The following ASCC3 variants were observed in gnomAD, a reference collection of about 807,000 sequenced individuals.
ASCC3 encodes the protein activating signal cointegrator 1 complex subunit 3, also known as ASC-1 complex subunit P200.
Under a neutral mutation model 256.3 loss-of-function variants are expected in ASCC3, and 158 were observed. That is an observed-to-expected ratio of 0.62 (90% confidence interval 0.54 to 0.70). ASCC3 has a LOEUF of 0.70. Ranked by LOEUF, ASCC3 falls within the 30% of genes least tolerant of loss-of-function variation. ASCC3 has a pLI of 0.00. For synonymous variants in ASCC3, 948 were observed against 883.4 expected, an observed-to-expected ratio of 1.07 and a Z score of -1.30; for missense variants, 2,259 against 2,626.0, an observed-to-expected ratio of 0.86 and a Z score of 3.05.
intron 8 of ASCC3, among the ~76,000 whole-genome samples, chr6:100,771,218 G>T (rs1462126845): frequency 6.6e-6 from 1 of 151,962 alleles, no homozygotes; most frequent in Non-Finnish European, 1.5e-5. Context: ...TAGAACAAAT[G>T]GATATACACG....
At chr6:100,638,954 C>T (rs748733028) in intron 24 of ASCC3, 133 bp from the exon 25 acceptor site, 7 of 740,464 alleles carry the variant, frequency 9.5e-6, no homozygotes, top group Non-Finnish European at 1.6e-5. Context: ...CTCTTATATA[C>T]CCATTACAGA....
intron 37 of ASCC3, among the ~76,000 whole-genome samples, chr6:100,519,789 T>C (rs1320757996): frequency 6.6e-6 from 1 of 152,158 alleles, no homozygotes; most frequent in Non-Finnish European, 1.5e-5. Context: ...GTTTTCATGA[T>C]GAAGTTGAAA....
intron 10 of ASCC3, among the ~76,000 whole-genome samples, chr6:100,760,963 T>A (rs1218013826): frequency 6.6e-6 from 1 of 152,104 alleles, no homozygotes; most frequent in South Asian, 2.1e-4. Flanking sequence ...GACATAAACC[T>A]GCAGATTCAA....
At chr6:100,843,228 A>G (rs1197017867) in intron 4 of ASCC3, among the ~76,000 whole-genome samples, 1 of 152,164 alleles carries the variant, frequency 6.6e-6, no homozygotes, top group Non-Finnish European at 1.5e-5. Context: ...ATCATTTCCA[A>G]TGCAAATAAG....
chr6:100,597,484 AGT>A (rs1391342968), intron 34 of ASCC3, among the ~76,000 whole-genome samples: 5 of 152,164 alleles, frequency 3.3e-5, no homozygotes, highest in African/African-American at 1.2e-4. Flanking sequence ...TCCAACAGAA[AGT>A]AAGAGTTGCC....
chr6:100,866,162 G>A (rs942500888), intron 2 of ASCC3, among the ~76,000 whole-genome samples: 1 of 151,922 alleles, frequency 6.6e-6, no homozygotes, highest in South Asian at 2.1e-4. Context: ...TAGAGATGGG[G>A]TTTCACCATG....
intron 36 of ASCC3, among the ~76,000 whole-genome samples, chr6:100,548,851 A>G (rs1390261002): frequency 6.6e-6 from 1 of 151,962 alleles, no homozygotes; most frequent in Non-Finnish European, 1.5e-5. Flanking sequence ...CAGCGGACAC[A>G]TGAAACTCCG....
At chr6:100,530,773 A>C in intron 37 of ASCC3, 1 of 1,016,450 alleles carries the variant, frequency 9.8e-7, no homozygotes, top group East Asian at 2.4e-5. Flanking sequence ...AATTTTGCAA[A>C]GAATCCAAGA....
chr6:100,658,571 A>C (rs1776033992), intron 16 of ASCC3, among the ~76,000 whole-genome samples: 1 of 151,464 alleles, frequency 6.6e-6, no homozygotes, highest in African/African-American at 2.4e-5. Flanking sequence ...TCAACAGACT[A>C]TCAGAAAATG....
At chr6:100,511,450 G>A (rs1431337786) in intron 40 of ASCC3, among the ~76,000 whole-genome samples, 1 of 151,886 alleles carries the variant, frequency 6.6e-6, no homozygotes, top group Non-Finnish European at 1.5e-5. Flanking sequence ...CTCATATTAA[G>A]GTCAGGTGTG....
chr6:100,819,409 G>A (rs1770930593), intron 4 of ASCC3, among the ~76,000 whole-genome samples: 1 of 152,178 alleles, frequency 6.6e-6, no homozygotes, highest in Admixed American at 6.5e-5. Flanking sequence ...ATACATGACA[G>A]GAAGTTTATT....
intron 18 of ASCC3, among the ~76,000 whole-genome samples, chr6:100,651,891 A>C (rs1775688461): frequency 6.6e-6 from 1 of 151,576 alleles, no homozygotes. Context: ...ATGGATGGTG[A>C]ATAAAAGTTA....
intron 10 of ASCC3, among the ~76,000 whole-genome samples, chr6:100,733,885 A>G (rs904456879): frequency 5.3e-5 from 8 of 152,136 alleles, no homozygotes; most frequent in Non-Finnish European, 8.8e-5. Flanking sequence ...TAAAACATAC[A>G]TTGCTTACTA....
rs117376784 is a variant in ASCC3 at position 100,775,922 on chromosome 6, A to G, written c.1396-8577T>C. ...TGTTTGTAAGCTATTGGAACATGAAATAATTAACATCCATTATGCATAGAT... is the reference window on the plus strand; with the variant it reads ...TGTTTGTAAGCTATTGGAACATGAAGTAATTAACATCCATTATGCATAGAT... On this transcript the variant is annotated intron_variant, in intron 8 of 41. Transcript: ENST00000369162. 1.4e-3 allele frequency among the ~76,000 whole-genome samples: 212 copies of G among 152,168 alleles called. 7 individuals carry two copies. In the East Asian group the frequency reaches 0.033, roughly 24 times the overall value.
At chr6:100,617,297 C>A (rs376843692) in intron 30 of ASCC3, among the ~76,000 whole-genome samples, 11 of 152,090 alleles carry the variant, frequency 7.2e-5, no homozygotes, top group African/African-American at 2.7e-4. Flanking sequence ...CGTGAGCCAC[C>A]GTGCCTGGCC....
chr6:100,530,778 C>A (rs1554188273), intron 37 of ASCC3: 3 of 1,028,706 alleles, frequency 2.9e-6, no homozygotes, highest in African/African-American at 1.6e-5. Flanking sequence ...TGCAAAGAAT[C>A]CAAGACAAAA....
intron 36 of ASCC3, among the ~76,000 whole-genome samples, chr6:100,582,196 T>C (rs1237858455): frequency 6.6e-6 from 1 of 152,146 alleles, no homozygotes; most frequent in Non-Finnish European, 1.5e-5. Flanking sequence ...ATTATCATGA[T>C]ATTGATTCTT....
At chr6:100,666,269 G>A (rs1011441532) in intron 14 of ASCC3, among the ~76,000 whole-genome samples, 4 of 152,048 alleles carry the variant, frequency 2.6e-5, no homozygotes, top group Non-Finnish European at 4.4e-5. Flanking sequence ...ATTATAAACA[G>A]AACATTTATA....
chr6:100,547,866 G>C (rs1319647262), intron 36 of ASCC3, among the ~76,000 whole-genome samples: 1 of 151,570 alleles, frequency 6.6e-6, no homozygotes, highest in Non-Finnish European at 1.5e-5. Context: ...AGCATTATTT[G>C]TAAAGTGAAA....
Sources: gnomAD v4.1 joint callset for allele counts (sites outside exome capture counted in the v4.1 genomes callset) on GRCh38, gnomAD v4.1.1 for gene constraint, MANE v1.5 for transcripts, NCBI Gene and HGNC (gene_info 2026-07-23, HGNC 2026-07-21) for gene names.